Variants in RPTOR observed in about 807,000 individuals in gnomAD.
RPTOR encodes regulatory-associated protein of mTOR.
A neutral mutation model predicts 169.9 loss-of-function variants in RPTOR; 21 were observed. That is an observed-to-expected ratio of 0.12 (90% CI 0.09 to 0.18). The LOEUF is 0.18. Ranked by LOEUF, RPTOR falls within the 10% of genes least tolerant of loss-of-function variation. The pLI is 1.00. For synonymous variants in RPTOR, 732 were observed against 753.2 expected (o/e 0.97, Z 0.46); for missense variants, 1,133 against 1,855.9 (o/e 0.61, Z 7.16).
chr17:80,945,239 G>T (rs1222908818), intron 25 of RPTOR, among the ~76,000 whole-genome samples: 1 of 152,126 alleles, frequency 6.6e-6, no homozygotes, highest in East Asian at 1.9e-4. Flanking sequence ...GCTGCAGTGA[G>T]CCATGATCAC....
In RPTOR at chr17:80,923,521, T is replaced by C; in HGVS notation, c.2656T>C (p.Ser886Pro). The C allele has an allele frequency of 6.2e-7, 1 of 1,613,386 alleles. No individual in the cohort carries two copies. Among genetic ancestry groups the C allele is most frequent in the Non-Finnish European group, 8.5e-7 (1 of 1,179,992 alleles). Residue 886 changes from serine (S) to proline (P), a missense_variant, in exon 23 of 34, where the codon TCC becomes CCC. Around this residue, in one of 9 missense-constraint regions of RPTOR, gnomAD observed 123 missense variants for 129.0 expected, o/e 0.95. Transcript: ENST00000306801. ...CCCTCCGGCGTCCAGCACCAGCAGCTCCAGCCTGACCAACGATGTGGCCAA... is the reference window on the plus strand; with the variant it reads ...CCCTCCGGCGTCCAGCACCAGCAGCCCCAGCCTGACCAACGATGTGGCCAA... Reference protein sequence around the residue: ...GSPPASSTSSSSLTNDVAKQP... With the variant: ...GSPPASSTSSPSLTNDVAKQP...
At chr17:80,963,152 C>A in intron 33 of RPTOR, 95 bp downstream of exon 33, 2 of 1,237,828 alleles carry the variant, frequency 1.6e-6, no homozygotes, top group Non-Finnish European at 2.3e-6. Flanking sequence ...GCCTGGCTAC[C>A]CCACACCACA....
rs1012816628 is a variant in RPTOR, at chr17:80,698,572, G to A, written c.349-9269G>A. ...GTGGGGGCACCTTCCATCCTAGGCC[G>A]GCAGCTGGTCAACCTCCTCAGCCTC... On this transcript the variant is annotated intron_variant, in intron 3 of 33. Transcript: ENST00000306801. Among the ~76,000 whole-genome samples the A allele has an allele frequency of 2.6e-5, 4 of 152,166 alleles. No homozygotes were observed. In the East Asian group the frequency reaches 5.8e-4, roughly 22 times the overall value.
chr17:80,834,288 T>C (rs949234653), intron 9 of RPTOR, among the ~76,000 whole-genome samples: 1 of 152,198 alleles, frequency 6.6e-6, no homozygotes, highest in Admixed American at 6.5e-5. Context: ...TTGTAGGCGT[T>C]CTTTTACATC....
At chr17:80,667,625 G>A (rs2065790685) in intron 3 of RPTOR, among the ~76,000 whole-genome samples, 2 of 152,204 alleles carry the variant, frequency 1.3e-5, no homozygotes, top group South Asian at 4.1e-4. Context: ...TCGCACCCAT[G>A]ACCTTTGTTT....
chr17:80,568,399 G>C (rs777627103), intron 1 of RPTOR, among the ~76,000 whole-genome samples: 1 of 152,170 alleles, frequency 6.6e-6, no homozygotes, highest in Non-Finnish European at 1.5e-5. Flanking sequence ...AGGATGTTCT[G>C]TTGTCTCAGG....
rs571563965 is a variant in RPTOR at position 80,720,794 on chromosome 17, T to C, written c.508-9766T>C. Among the ~76,000 whole-genome samples the C allele has an allele frequency of 6.2e-5, 9 of 145,276 alleles. No individual in the cohort carries two copies. The East Asian group carries it at 1.7e-3, about 28-fold the overall frequency. ...CCCTGAGCCTCTGCTTCTGTGGCCG[T>C]GGGTGGGGCCTGACGATTTGGCTTT... On this transcript the variant is annotated intron_variant, in intron 4 of 33. Transcript: ENST00000306801.
At chr17:80,671,312 G>A (rs947117220) in intron 3 of RPTOR, among the ~76,000 whole-genome samples, 1 of 152,176 alleles carries the variant, frequency 6.6e-6, no homozygotes, top group Non-Finnish European at 1.5e-5. Flanking sequence ...TTATGGGCGT[G>A]CGTGTGAGAG....
At chr17:80,930,718 C>T (rs967895733) in intron 24 of RPTOR, among the ~76,000 whole-genome samples, 5 of 152,262 alleles carry the variant, frequency 3.3e-5, no homozygotes, top group African/African-American at 1.2e-4. Flanking sequence ...GTGAAGAACA[C>T]ACTTGGTGGG....
Position 80,929,674 on chromosome 17 carries a change from G to A in RPTOR, c.2919+4194G>A, listed in dbSNP as rs149359442. Among the ~76,000 whole-genome samples the A allele has an allele frequency of 1.0e-3, 155 of 152,254 alleles. No homozygotes were observed. In the East Asian group the frequency reaches 0.021, roughly 21 times the overall value. On this transcript the variant is annotated intron_variant, in intron 24 of 33. Transcript: ENST00000306801. The stretch of plus-strand genomic sequence containing the variant: ...CTGCACTGCCCGTCATCAGATCTGC[G>A]GCTGTGCAGCTGGGGTTTCAGTGCA...
intron 2 of RPTOR, among the ~76,000 whole-genome samples, chr17:80,631,642 A>G (rs1182197408): frequency 6.6e-6 from 1 of 152,106 alleles, no homozygotes; most frequent in Non-Finnish European, 1.5e-5. Context: ...GATTGGAGCC[A>G]CTCTTTCCCC....
At chr17:80,615,450 G>A (rs1386673764) in intron 1 of RPTOR, among the ~76,000 whole-genome samples, 1 of 152,154 alleles carries the variant, frequency 6.6e-6, no homozygotes, top group African/African-American at 2.4e-5. Flanking sequence ...GCTATGAACC[G>A]TAGCATAAGA....
chr17:80,703,119 G>A (rs1282220670), intron 3 of RPTOR, among the ~76,000 whole-genome samples: 1 of 152,124 alleles, frequency 6.6e-6, no homozygotes, highest in Non-Finnish European at 1.5e-5. Context: ...TTATCTTTCC[G>A]TGCCTTTGTT....
intron 1 of RPTOR, among the ~76,000 whole-genome samples, chr17:80,566,819 G>A (rs768542070): frequency 0.019 from 890 of 47,596 alleles, 4 homozygotes; most frequent in Non-Finnish European, 0.023. Flanking sequence ...GCGAGACTCC[G>A]TCTCAAAAAA....
chr17:80,719,412 T>C (rs1412077142), intron 4 of RPTOR, among the ~76,000 whole-genome samples: 1 of 152,200 alleles, frequency 6.6e-6, no homozygotes, highest in Non-Finnish European at 1.5e-5. Flanking sequence ...TCTGAGAAGA[T>C]GCTGAGTACA....
At chr17:80,777,979 T>G (rs1327661940) in intron 6 of RPTOR, among the ~76,000 whole-genome samples, 9 of 152,194 alleles carry the variant, frequency 5.9e-5, no homozygotes, top group Non-Finnish European at 1.3e-4. Flanking sequence ...CATCCGTGGC[T>G]GGGGTTAAAG....
At chr17:80,653,760 G>T (rs1415737623) in intron 3 of RPTOR, among the ~76,000 whole-genome samples, 2 of 152,230 alleles carry the variant, frequency 1.3e-5, no homozygotes. Flanking sequence ...GTGTGTGAGG[G>T]CTGGGTCCTT....
intron 3 of RPTOR, among the ~76,000 whole-genome samples, chr17:80,664,285 C>T (rs2065746896): frequency 6.6e-6 from 1 of 152,196 alleles, no homozygotes; most frequent in South Asian, 2.1e-4. Context: ...TAATGCCCAG[C>T]ACAAATGCAT....
intron 9 of RPTOR, among the ~76,000 whole-genome samples, chr17:80,824,490 G>C (rs2067417149): frequency 6.6e-6 from 1 of 152,136 alleles, no homozygotes; most frequent in African/African-American, 2.4e-5. Context: ...ATTTTTGAAA[G>C]AGTATATTCT....
Sources: allele counts gnomAD v4.1 joint callset (sites outside exome capture counted in the v4.1 genomes callset), GRCh38; gene constraint gnomAD v4.1.1; regional missense constraint gnomAD v4.1.1; transcripts MANE v1.5; gene names NCBI Gene and HGNC (gene_info 2026-07-23, HGNC 2026-07-21).